Variants in LRRC7 observed in about 807,000 individuals in gnomAD.
The protein encoded by LRRC7 is leucine rich repeat containing 7.
LRRC7 carries 23 observed loss-of-function variants against 175.7 expected under a neutral mutation model. The observed-to-expected ratio is 0.13, with a 90% CI of 0.09 to 0.19. The LOEUF (loss-of-function observed/expected upper bound fraction) is 0.19, where lower values mean the gene tolerates loss of function less well. LRRC7 is among the 10% of genes least tolerant of loss of function. LRRC7 has a pLI of 1.00. For missense variants in LRRC7, 1,354 were observed against 1,904.7 expected (o/e 0.71, Z 5.38); for synonymous variants, 685 against 680.9 (o/e 1.01, Z -0.09).
At chr1:69,836,208 T>C (rs1241183343) in intron 6 of LRRC7, among the ~76,000 whole-genome samples, 1 of 152,000 alleles carries the variant, frequency 6.6e-6, no homozygotes, top group Non-Finnish European at 1.5e-5. Context: ...TGAGAGCACA[T>C]CAACCTTTCC....
At chr1:69,858,435 AC>A (rs1683972606) in intron 7 of LRRC7, among the ~76,000 whole-genome samples, 2 of 152,072 alleles carry the variant, frequency 1.3e-5, no homozygotes, top group African/African-American at 4.8e-5. Context: ...GTGCACATGT[AC>A]CCTAGAACTT....
At chr1:69,747,892 A>C (rs921621810) in intron 2 of LRRC7, among the ~76,000 whole-genome samples, 1 of 152,168 alleles carries the variant, frequency 6.6e-6, no homozygotes, top group African/African-American at 2.4e-5. Context: ...TCATTTAACA[A>C]TTGTTAAATC....
chr1:69,802,236 T>C (rs1676601906), intron 4 of LRRC7, among the ~76,000 whole-genome samples: 1 of 151,606 alleles, frequency 6.6e-6, no homozygotes, highest in Non-Finnish European at 1.5e-5. Flanking sequence ...ATTAGGCCCA[T>C]TTGGTCTAAA....
At chr1:69,747,270 G>C (rs1669356542) in intron 2 of LRRC7, among the ~76,000 whole-genome samples, 1 of 152,140 alleles carries the variant, frequency 6.6e-6, no homozygotes, top group Non-Finnish European at 1.5e-5. Flanking sequence ...ACTTGAAAAT[G>C]ATAAGGAAAG....
chr1:69,960,780 C>G (rs1650987087), intron 8 of LRRC7, among the ~76,000 whole-genome samples: 1 of 144,708 alleles, frequency 6.9e-6, no homozygotes, highest in Non-Finnish European at 1.5e-5. Context: ...TTCAACATCT[C>G]TTTATGTTAA....
chr1:70,079,280 G>A (rs949651933), intron 24 of LRRC7, among the ~76,000 whole-genome samples: 1 of 152,082 alleles, frequency 6.6e-6, no homozygotes, highest in Admixed American at 6.5e-5. Context: ...TAGATTTGGG[G>A]CATATAAATC....
chr1:69,968,854 T>C (rs1651929680), intron 8 of LRRC7, among the ~76,000 whole-genome samples: 1 of 151,974 alleles, frequency 6.6e-6, no homozygotes, highest in Non-Finnish European at 1.5e-5. Context: ...AGTCTTGCTC[T>C]GTCTCCCAGG....
chr1:69,628,936 A>G (rs1652034438), intron 1 of LRRC7, among the ~76,000 whole-genome samples: 1 of 152,190 alleles, frequency 6.6e-6, no homozygotes, highest in African/African-American at 2.4e-5. Flanking sequence ...ATGAATCTAG[A>G]CACAGACCTT....
chr1:69,911,154 T>C (rs1386428432), intron 7 of LRRC7, among the ~76,000 whole-genome samples: 9 of 152,338 alleles, frequency 5.9e-5, no homozygotes, highest in African/African-American at 1.9e-4. Context: ...GCTTCCCAAG[T>C]GAGGCAATGC....
chr1:69,764,609 G>A (rs1390565177), intron 3 of LRRC7, among the ~76,000 whole-genome samples: 1 of 151,854 alleles, frequency 6.6e-6, no homozygotes, highest in Non-Finnish European at 1.5e-5. Context: ...TCCTAGCATT[G>A]GTATTTGGTT....
At chr1:69,635,835 T>A (rs1653265398) in intron 1 of LRRC7, among the ~76,000 whole-genome samples, 1 of 151,880 alleles carries the variant, frequency 6.6e-6, no homozygotes, top group African/African-American at 2.4e-5. Flanking sequence ...GATGTTTTTT[T>A]AAAAAAATAG....
intron 7 of LRRC7, among the ~76,000 whole-genome samples, chr1:69,922,329 A>ACTCTCTAACCTCATCAG (rs146997338): frequency 0.41 from 62,304 of 151,528 alleles, 13,559 homozygotes; most frequent in East Asian, 0.55. Flanking sequence ...ATCTCCCCTG[A>ACTCTCTAACCTCATCAG]CTCCTCCAAA....
intron 26 of LRRC7, 55 bp from the exon 27 acceptor site, chr1:70,121,725 C>T (rs141141262): frequency 4.3e-5 from 49 of 1,152,152 alleles, no homozygotes; most frequent in Admixed American, 8.5e-5. Flanking sequence ...ATAGAAACAA[C>T]GATACAGTGA....
At chr1:69,862,046 A>C (rs993218325) in intron 7 of LRRC7, among the ~76,000 whole-genome samples, 23 of 152,326 alleles carry the variant, frequency 1.5e-4, no homozygotes, top group African/African-American at 4.3e-4. Flanking sequence ...GTAGCAGGGC[A>C]GTCTCTGGCT....
intron 26 of LRRC7, 78 bp downstream of exon 26, chr1:70,107,904 G>A: frequency 8.1e-7 from 1 of 1,231,072 alleles, no homozygotes; most frequent in South Asian, 1.2e-5. Flanking sequence ...TAAATGATTT[G>A]AATTAAATGA....
intron 25 of LRRC7, among the ~76,000 whole-genome samples, chr1:70,097,296 A>C (rs554149762): frequency 6.6e-6 from 1 of 152,198 alleles, no homozygotes; most frequent in Admixed American, 6.5e-5. Context: ...GAAATGTTCT[A>C]GCATATTCTG....
chr1:69,808,812 A>G (rs1416461790), intron 4 of LRRC7, among the ~76,000 whole-genome samples: 1 of 152,196 alleles, frequency 6.6e-6, no homozygotes, highest in Admixed American at 6.6e-5. Context: ...AGAAAGCAGG[A>G]AAGTTCTAAA....
At chr1:69,806,822 G>A (rs1366478406) in intron 4 of LRRC7, among the ~76,000 whole-genome samples, 2 of 151,938 alleles carry the variant, frequency 1.3e-5, no homozygotes, top group Non-Finnish European at 2.9e-5. Context: ...TAGACATGAA[G>A]ATTCCTGGTG....
chr1:70,020,769 G>A (rs12036806), intron 15 of LRRC7: 11,974 of 237,924 alleles, frequency 0.05, 343 homozygotes, highest in South Asian at 0.1. Context: ...AAAATTTCCC[G>A]ATCCTGAGTA....
Sources: gnomAD v4.1 joint callset for allele counts (sites outside exome capture counted in the v4.1 genomes callset) on GRCh38, gnomAD v4.1.1 for gene constraint, MANE v1.5 for transcripts, NCBI Gene and HGNC (gene_info 2026-07-23, HGNC 2026-07-21) for gene names.